SLC4A10: variants seen among roughly 807,000 people sequenced by gnomAD.
SLC4A10 encodes solute carrier family 4 member 10.
SLC4A10 carries 42 observed loss-of-function variants against 137.7 expected under a neutral mutation model. The observed-to-expected ratio is 0.30, with a 90% CI of 0.24 to 0.39. The LOEUF (loss-of-function observed/expected upper bound fraction) is 0.39, where lower values mean the gene tolerates loss of function less well. Among genes scored for constraint, SLC4A10 ranks in the 10% least tolerant of loss-of-function variants. The pLI is 1.00. For missense variants in SLC4A10, 925 were observed against 1,355.0 expected (o/e 0.68, Z 4.98); for synonymous variants, 474 against 464.1 (o/e 1.02, Z -0.27).
rs145765232 is a variant in SLC4A10 at position 161,925,195 on chromosome 2, T to C, written c.1998-17597T>C. Among the ~76,000 whole-genome samples the C allele has an allele frequency of 7.7e-3, 1,171 of 152,336 alleles. 8 individuals carry two copies. Among genetic ancestry groups the C allele is most frequent in the Non-Finnish European group, 0.011 (753 of 68,028 alleles). ...CTGGTCCTGGACTCTTTTTGGTTGGTAAGCTATTGATTATTGTCACAATTT... is the reference window on the plus strand; with the variant it reads ...CTGGTCCTGGACTCTTTTTGGTTGGCAAGCTATTGATTATTGTCACAATTT... On this transcript the variant is annotated intron_variant, in intron 15 of 26. Coordinates refer to ENST00000446997, the MANE Select transcript of SLC4A10 (RefSeq NM_001178015.2).
intron 3 of SLC4A10, among the ~76,000 whole-genome samples, chr2:161,834,560 A>G (rs530278308): frequency 2.3e-4 from 35 of 152,174 alleles, no homozygotes; most frequent in African/African-American, 7.7e-4. Flanking sequence ...TTCTGGCTTA[A>G]CATTCTTCAT....
intron 2 of SLC4A10, among the ~76,000 whole-genome samples, chr2:161,804,006 T>C (rs1228531463): frequency 6.6e-6 from 1 of 152,144 alleles, no homozygotes; most frequent in East Asian, 1.9e-4. Flanking sequence ...AAAACCTCTG[T>C]GGAATTTGGC....
chr2:161,922,091 G>A (rs1195564354), intron 15 of SLC4A10, among the ~76,000 whole-genome samples: 1 of 152,154 alleles, frequency 6.6e-6, no homozygotes, highest in Non-Finnish European at 1.5e-5. Context: ...TTATACAAAT[G>A]ACGTAAGTGC....
chr2:161,631,704 A>C (rs1272857020), intron 1 of SLC4A10, among the ~76,000 whole-genome samples: 1 of 151,750 alleles, frequency 6.6e-6, no homozygotes, highest in South Asian at 2.1e-4. Context: ...GTAAATTTCT[A>C]TGCAATATAG....
At chr2:161,948,349 A>T (rs994350176) in intron 17 of SLC4A10, among the ~76,000 whole-genome samples, 2 of 152,150 alleles carry the variant, frequency 1.3e-5, no homozygotes, top group African/African-American at 4.8e-5. Flanking sequence ...ACTCTGGAAA[A>T]ATATTTCAAG....
chr2:161,946,072 T>C (rs1216151090), intron 16 of SLC4A10, among the ~76,000 whole-genome samples: 1 of 152,002 alleles, frequency 6.6e-6, no homozygotes, highest in Non-Finnish European at 1.5e-5. Flanking sequence ...TGCCACCTTA[T>C]CTATTTTTAA....
chr2:161,712,793 TCTC>T (rs1303439251), intron 1 of SLC4A10, among the ~76,000 whole-genome samples: 4 of 151,850 alleles, frequency 2.6e-5, no homozygotes, highest in African/African-American at 9.7e-5. Context: ...TCACTTCTCT[TCTC>T]TGAAGAAATT....
At chr2:161,924,977 G>C (rs954344708) in intron 15 of SLC4A10, among the ~76,000 whole-genome samples, 2 of 152,262 alleles carry the variant, frequency 1.3e-5, no homozygotes, top group African/African-American at 4.8e-5. Flanking sequence ...TAGGAGGGCA[G>C]AGCTACAGGT....
chr2:161,806,628 AAG>A (rs2055993047), intron 3 of SLC4A10, among the ~76,000 whole-genome samples: 1 of 152,110 alleles, frequency 6.6e-6, no homozygotes, highest in Non-Finnish European at 1.5e-5. Context: ...AAAACATAAC[AAG>A]AGTCACCTTT....
At chr2:161,758,762 A>T (rs2049939564) in intron 1 of SLC4A10, among the ~76,000 whole-genome samples, 1 of 151,944 alleles carries the variant, frequency 6.6e-6, no homozygotes, top group Non-Finnish European at 1.5e-5. Flanking sequence ...ATCTATCCTC[A>T]TCCCCTTCTT....
intron 1 of SLC4A10, among the ~76,000 whole-genome samples, chr2:161,770,356 T>A (rs1433731968): frequency 6.6e-6 from 1 of 151,968 alleles, no homozygotes; most frequent in Non-Finnish European, 1.5e-5. Context: ...ATAGTCTCTA[T>A]CCACTCATTC....
intron 1 of SLC4A10, among the ~76,000 whole-genome samples, chr2:161,709,142 T>A (rs759571071): frequency 1.4e-4 from 21 of 151,504 alleles, no homozygotes; most frequent in Non-Finnish European, 2.7e-4. Context: ...TTTTCCAGAT[T>A]AAGCCTGAAT....
At chr2:161,871,871 T>A (rs1367505678) in intron 6 of SLC4A10, among the ~76,000 whole-genome samples, 1 of 152,162 alleles carries the variant, frequency 6.6e-6, no homozygotes, top group Non-Finnish European at 1.5e-5. Context: ...AATTTTCAGA[T>A]AAATATCCGT....
At chr2:161,720,485 A>G (rs1044048615) in intron 1 of SLC4A10, among the ~76,000 whole-genome samples, 3 of 151,922 alleles carry the variant, frequency 2.0e-5, no homozygotes, top group East Asian at 1.9e-4. Flanking sequence ...ATTACCTTGT[A>G]TCTCCCACTG....
At position 161,905,887 on chromosome 2, in the gene SLC4A10, C is replaced by T. The variant is rs763486116; in HGVS notation, c.1997C>T (p.Ser666Leu). 2.5e-6 allele frequency: 4 copies of T among 1,596,496 alleles called. No homozygotes were observed. The highest frequency in any genetic ancestry group is 1.3e-5 in the African/African-American group (1 of 74,350). The change falls in exon 15 of 27, where the codon TCG becomes TTG. Residue 666 changes from serine to leucine, a missense_variant and splice_region_variant. Transcript: ENST00000446997. ...HNDLELLTQY[S>L]CNCVEPHNPS... ...GATCTGGAACTGCTGACACAATACT[C>T]GTAAGTACCATTTCCCCTGCTGGCC...
At chr2:161,842,122 A>G (rs556869725) in intron 4 of SLC4A10, among the ~76,000 whole-genome samples, 1 of 152,256 alleles carries the variant, frequency 6.6e-6, no homozygotes, top group South Asian at 2.1e-4. Flanking sequence ...ATTTTTTTCC[A>G]TAAAAACCAC....
chr2:161,663,365 T>A (rs1346563035), intron 1 of SLC4A10, among the ~76,000 whole-genome samples: 1 of 152,154 alleles, frequency 6.6e-6, no homozygotes. Flanking sequence ...TTTGATGATT[T>A]GGGGCTATAT....
chr2:161,728,386 C>A (rs903915168), intron 1 of SLC4A10, among the ~76,000 whole-genome samples: 5 of 152,064 alleles, frequency 3.3e-5, no homozygotes, highest in African/African-American at 2.4e-5. Flanking sequence ...ACCAGCCTGA[C>A]CAACATGGTG....
At chr2:161,633,966 T>C (rs2034005383) in intron 1 of SLC4A10, among the ~76,000 whole-genome samples, 1 of 151,804 alleles carries the variant, frequency 6.6e-6, no homozygotes, top group African/African-American at 2.4e-5. Flanking sequence ...CCATATCCTT[T>C]TCATCCACCT....
Sources: gnomAD v4.1 joint callset for allele counts (sites outside exome capture counted in the v4.1 genomes callset) on GRCh38, gnomAD v4.1.1 for gene constraint, MANE v1.5 for transcripts, NCBI Gene and HGNC (gene_info 2026-07-23, HGNC 2026-07-21) for gene names.